ARHGAP21: variants seen among roughly 807,000 people sequenced by gnomAD.
The protein encoded by ARHGAP21 is Rho GTPase activating protein 21.
A neutral mutation model predicts 164.6 loss-of-function variants in ARHGAP21; 38 were observed. The ratio of observed to expected loss-of-function variants is 0.23; its 90% CI spans 0.18 to 0.30. The LOEUF (loss-of-function observed/expected upper bound fraction) is 0.30. ARHGAP21 is among the 10% of genes least tolerant of loss of function. ARHGAP21 has a pLI of 1.00. For synonymous variants in ARHGAP21, 766 were observed against 857.9 expected (o/e 0.89, Z 1.87); for missense variants, 1,822 against 2,370.7 (o/e 0.77, Z 4.81).
At chr10:24,650,887 G>A (rs373055943) in intron 4 of ARHGAP21, among the ~76,000 whole-genome samples, 1 of 152,112 alleles carries the variant, frequency 6.6e-6, no homozygotes, top group Non-Finnish European at 1.5e-5. Flanking sequence ...ACCTTGAGGC[G>A]TTTCCTGTTT....
chr10:24,669,420 G>T (rs1840488833), intron 3 of ARHGAP21, among the ~76,000 whole-genome samples: 1 of 152,170 alleles, frequency 6.6e-6, no homozygotes. Context: ...GTCAAAAGAA[G>T]TGGCCTGGCC....
At position 24,604,315 on chromosome 10, in the gene ARHGAP21, G is replaced by A. The variant is rs1374350570; in HGVS notation, c.2718C>T (p.Ile906=). 13 of 1,588,690 alleles carry A rather than the reference G, an allele frequency of 8.2e-6. No homozygotes were observed. The South Asian group carries it at 1.4e-4, about 17-fold the overall frequency. The change falls in exon 12 of 26, where the codon ATC becomes ATT. Residue 906 remains isoleucine, a synonymous_variant. Coordinates refer to ENST00000396432, the MANE Select transcript of ARHGAP21 (RefSeq NM_020824.4). The stretch of plus-strand genomic sequence containing the variant: ...GTAGAAACACTCTAATACCAACCTT[G>A]ATTCCCTTCAGACTAGATACGTGCT... ...SFKHVSSLKG[I]KIADSQKSSE...
intron 2 of ARHGAP21, among the ~76,000 whole-genome samples, chr10:24,679,636 T>C (rs1276445912): frequency 6.6e-6 from 1 of 152,216 alleles, no homozygotes; most frequent in South Asian, 2.1e-4. Context: ...ATTGCCACTA[T>C]TGTTTATTTT....
chr10:24,653,851 T>A (rs1262730341), intron 4 of ARHGAP21, among the ~76,000 whole-genome samples: 1 of 152,016 alleles, frequency 6.6e-6, no homozygotes, highest in Non-Finnish European at 1.5e-5. Flanking sequence ...TAATAAAAAG[T>A]AGATAAATTA....
chr10:24,615,408 G>A (rs997629677), intron 9 of ARHGAP21, among the ~76,000 whole-genome samples: 3 of 152,162 alleles, frequency 2.0e-5, no homozygotes, highest in African/African-American at 7.2e-5. Context: ...GGGAGGAGGA[G>A]AAGTCTTAGA....
chr10:24,664,596 T>C (rs1292532388), intron 4 of ARHGAP21, among the ~76,000 whole-genome samples: 1 of 151,292 alleles, frequency 6.6e-6, no homozygotes, highest in Non-Finnish European at 1.5e-5. Context: ...AATAACAGTA[T>C]AGATCCTAAA....
At chr10:24,591,472 C>G in intron 23 of ARHGAP21, 142 bp from the exon 24 acceptor site, 1 of 1,104,892 alleles carries the variant, frequency 9.1e-7, no homozygotes, top group South Asian at 1.5e-5. Context: ...TAATTAACTG[C>G]AAAATAAGCA....
intron 2 of ARHGAP21, among the ~76,000 whole-genome samples, chr10:24,675,164 C>T (rs1264708783): frequency 1.3e-5 from 2 of 152,198 alleles, no homozygotes; most frequent in Non-Finnish European, 2.9e-5. Context: ...TGGAAAACAA[C>T]TGAAATATTT....
chr10:24,585,537 G>C lies in ARHGAP21; in HGVS notation c.4752C>G (p.Thr1584=). 6.2e-7 allele frequency: 1 copy of C among 1,614,172 alleles called. No individual in the cohort carries two copies. Among genetic ancestry groups the C allele is most frequent in the Non-Finnish European group, 8.5e-7 (1 of 1,180,036 alleles). Residue 1584 remains threonine (T), a synonymous_variant, in exon 26 of 26, where the codon ACC becomes ACG. Transcript: ENST00000396432. ...CAGACGATGTGGTGGAATAATCTGA[G>C]GTGATGGTGCTGACGTTGGCCAAAA... is the stretch of plus-strand genomic sequence containing the variant. ...SEFLANVSTI[T]SDYSTTSSAT... is the part of the protein sequence containing the mutation.
intron 9 of ARHGAP21, among the ~76,000 whole-genome samples, chr10:24,611,282 T>C (rs2077249316): frequency 6.6e-6 from 1 of 152,228 alleles, no homozygotes; most frequent in African/African-American, 2.4e-5. Flanking sequence ...GAGAAAACTA[T>C]GGACTTTCTC....
At chr10:24,631,807 C>T (rs531179023) in intron 6 of ARHGAP21, among the ~76,000 whole-genome samples, 1 of 152,284 alleles carries the variant, frequency 6.6e-6, no homozygotes, top group South Asian at 2.1e-4. Context: ...ATTAACCTCA[C>T]TTGACTGACC....
chr10:24,722,009 G>A lies in ARHGAP21; in HGVS notation c.-110C>T. ...AAGAATTCCACAAGCAGGCTCCGAG[G>A]AGGGGCAGGGCTGTTGAAACAGACA... is the stretch of plus-strand genomic sequence containing the variant. On this transcript the variant is annotated 5_prime_UTR_variant, in exon 2 of 26. Transcript: ENST00000396432. The A allele has an allele frequency of 1.7e-6, 2 of 1,174,574 alleles. No homozygotes were observed. Among genetic ancestry groups the A allele is most frequent in the Non-Finnish European group, 2.5e-6 (2 of 799,922 alleles). The allele number at this position is 1,174,574 out of a possible 1,614,324, so 72.8% of individuals were successfully genotyped here. A position where few individuals can be genotyped will look rare whatever the true frequency, so the allele number is the denominator to read the frequency against.
intron 2 of ARHGAP21, among the ~76,000 whole-genome samples, chr10:24,677,596 A>G (rs1472318520): frequency 6.6e-6 from 1 of 152,226 alleles, no homozygotes; most frequent in Non-Finnish European, 1.5e-5. Flanking sequence ...TTAGCGGAGC[A>G]TAACATGAGA....
intron 9 of ARHGAP21, 95 bp downstream of exon 9, chr10:24,619,378 T>TAAG: frequency 8.1e-7 from 1 of 1,233,638 alleles, no homozygotes; most frequent in Admixed American, 2.4e-5. Context: ...AATCACAGTG[T>TAAG]AAGACTTCTA....
intron 4 of ARHGAP21, among the ~76,000 whole-genome samples, chr10:24,639,980 G>A (rs1372397303): frequency 6.6e-6 from 1 of 151,406 alleles, no homozygotes; most frequent in Non-Finnish European, 1.5e-5. Flanking sequence ...TTTGAACTAT[G>A]ACAGTTACAA....
At chr10:24,586,339 C>T (rs559436973) in intron 25 of ARHGAP21, among the ~76,000 whole-genome samples, 28 of 152,260 alleles carry the variant, frequency 1.8e-4, no homozygotes, top group African/African-American at 6.3e-4. Context: ...CAAGCCACAG[C>T]TCATACACAT....
At chr10:24,589,155 A>C (rs2076228516) in intron 25 of ARHGAP21, 116 bp downstream of exon 25, 4 of 886,792 alleles carry the variant, frequency 4.5e-6, no homozygotes, top group Non-Finnish European at 3.6e-6. Flanking sequence ...TTTTGATTAT[A>C]CTTTGTTGCT....
intron 9 of ARHGAP21, among the ~76,000 whole-genome samples, chr10:24,614,752 C>T (rs543746142): frequency 1.5e-5 from 2 of 136,348 alleles, no homozygotes; most frequent in South Asian, 4.7e-4. Context: ...CACTGCACTC[C>T]AGGCTGGGTG....
At chr10:24,669,037 T>A (rs1840456691) in intron 3 of ARHGAP21, among the ~76,000 whole-genome samples, 1 of 152,138 alleles carries the variant, frequency 6.6e-6, no homozygotes, top group South Asian at 2.1e-4. Flanking sequence ...TCTTAAGAGA[T>A]CTAGTCCAGT....
Sources: allele counts gnomAD v4.1 joint callset (sites outside exome capture counted in the v4.1 genomes callset), GRCh38; gene constraint gnomAD v4.1.1; transcripts MANE v1.5; gene names NCBI Gene and HGNC (gene_info 2026-07-23, HGNC 2026-07-21).